AFF3: variants seen among roughly 807,000 people sequenced by gnomAD.
AFF3 encodes the protein ALF transcription elongation factor 3, also known as AF4/FMR2 family member 3.
In AFF3, 32 loss-of-function variants were observed where a neutral mutation model predicts 129.7. That is an observed-to-expected ratio of 0.25 (90% CI 0.19 to 0.33). AFF3 has a LOEUF of 0.33. AFF3 is among the 10% of genes least tolerant of loss of function. The probability of loss-of-function intolerance (pLI) is 1.00; values close to 1 mark genes in which losing one functional copy is unlikely to be tolerated. For synonymous variants in AFF3, 644 were observed against 635.4 expected, an observed-to-expected ratio of 1.01 and a Z score of -0.20; for missense variants, 1,373 against 1,592.0, an observed-to-expected ratio of 0.86 and a Z score of 2.34.
At chr2:99,562,067 G>A (rs972995617) in intron 20 of AFF3, among the ~76,000 whole-genome samples, 1 of 152,116 alleles carries the variant, frequency 6.6e-6, no homozygotes, top group Non-Finnish European at 1.5e-5. Context: ...GATAATTATC[G>A]TTTCTCCCTG....
At chr2:99,684,550 T>C (rs1674856124) in intron 11 of AFF3, among the ~76,000 whole-genome samples, 1 of 151,976 alleles carries the variant, frequency 6.6e-6, no homozygotes, top group Non-Finnish European at 1.5e-5. Flanking sequence ...AAAAGCATCC[T>C]ATGAGCTATT....
intron 7 of AFF3, among the ~76,000 whole-genome samples, chr2:99,886,909 T>C (rs935994658): frequency 2.7e-5 from 4 of 149,194 alleles, no homozygotes; most frequent in African/African-American, 9.7e-5. Context: ...TTAAAATGCA[T>C]TGACTTCAAC....
At chr2:99,678,443 T>C (rs1463282589) in intron 11 of AFF3, among the ~76,000 whole-genome samples, 4 of 152,214 alleles carry the variant, frequency 2.6e-5, no homozygotes, top group Non-Finnish European at 4.4e-5. Flanking sequence ...AACGGGCACG[T>C]TAACTACCTG....
chr2:99,606,308 G>A (rs1680327199), intron 13 of AFF3, among the ~76,000 whole-genome samples: 1 of 152,082 alleles, frequency 6.6e-6, no homozygotes, highest in African/African-American at 2.4e-5. Context: ...ATGATAACAC[G>A]GATTGGTTGA....
intron 19 of AFF3, among the ~76,000 whole-genome samples, chr2:99,566,131 T>A (rs1307680375): frequency 6.6e-6 from 1 of 152,110 alleles, no homozygotes; most frequent in African/African-American, 2.4e-5. Flanking sequence ...TTAATTTTTT[T>A]ATTTTTGAGA....
At chr2:99,895,843 T>C (rs1052567378) in intron 7 of AFF3, among the ~76,000 whole-genome samples, 3 of 152,004 alleles carry the variant, frequency 2.0e-5, no homozygotes, top group Admixed American at 2.0e-4. Context: ...CTGAGGTGGG[T>C]GGATCACCTG....
rs369533691 is a variant in AFF3 at position 99,565,475 on chromosome 2, C to T, written c.3119+12G>A. 16 of 1,609,556 alleles carry T rather than the reference C, an allele frequency of 9.9e-6. No individual in the cohort carries two copies. The African/African-American group carries it at 1.9e-4, about 19-fold the overall frequency. Reference sequence around the variant, plus strand: ...CTCCTCCCCTCATCCAGCAAGAAAACACGGTGCTTACCTGATGAGCTCTAC... The same window carrying T: ...CTCCTCCCCTCATCCAGCAAGAAAATACGGTGCTTACCTGATGAGCTCTAC... On this transcript the variant is annotated intron_variant, in intron 20 of 24. Coordinates refer to ENST00000672756, the MANE Select transcript of AFF3 (RefSeq NM_001386135.1).
At chr2:99,737,872 T>C (rs934932819) in intron 10 of AFF3, among the ~76,000 whole-genome samples, 2 of 152,036 alleles carry the variant, frequency 1.3e-5, no homozygotes, top group Non-Finnish European at 2.9e-5. Flanking sequence ...CTAGATAATT[T>C]CTTAAATTCA....
At chr2:99,628,008 C>A (rs181130695) in intron 13 of AFF3, among the ~76,000 whole-genome samples, 49 of 152,166 alleles carry the variant, frequency 3.2e-4, no homozygotes, top group Admixed American at 9.8e-4. Flanking sequence ...ATGCCTCCAG[C>A]TTTTTGTTCT....
chr2:99,869,370 C>A (rs976647232), intron 7 of AFF3, among the ~76,000 whole-genome samples: 4 of 149,896 alleles, frequency 2.7e-5, no homozygotes, highest in African/African-American at 9.8e-5. Flanking sequence ...AAGGCATTCA[C>A]TCAATAAACA....
intron 4 of AFF3, among the ~76,000 whole-genome samples, chr2:100,025,044 T>C (rs1369929887): frequency 6.6e-6 from 1 of 152,162 alleles, no homozygotes; most frequent in Non-Finnish European, 1.5e-5. Context: ...TCTTTCCCTT[T>C]AAACTATCTA....
intron 7 of AFF3, among the ~76,000 whole-genome samples, chr2:99,972,622 G>C (rs984398487): frequency 1.3e-5 from 2 of 152,182 alleles, no homozygotes; most frequent in African/African-American, 4.8e-5. Context: ...CAAGGATATA[G>C]CAATAAACAA....
At chr2:99,643,055 A>ATTTT (rs34572652) in intron 13 of AFF3, among the ~76,000 whole-genome samples, 195 of 100,848 alleles carry the variant, frequency 1.9e-3, no homozygotes, top group African/African-American at 2.5e-3. Flanking sequence ...TACTTAAAAG[A>ATTTT]TTTTTTTTTT....
intron 11 of AFF3, among the ~76,000 whole-genome samples, chr2:99,695,509 A>C (rs962374232): frequency 1.3e-5 from 2 of 152,152 alleles, no homozygotes; most frequent in African/African-American, 4.8e-5. Context: ...ATGTGCCCTT[A>C]AACTGCAGGG....
chr2:99,783,597 T>C (rs1307465891), intron 8 of AFF3, among the ~76,000 whole-genome samples: 1 of 152,222 alleles, frequency 6.6e-6, no homozygotes, highest in African/African-American at 2.4e-5. Flanking sequence ...ACGAAATACG[T>C]GTTCTTTTAT....
intron 13 of AFF3, among the ~76,000 whole-genome samples, chr2:99,618,120 C>T (rs918604634): frequency 6.6e-6 from 1 of 151,950 alleles, no homozygotes; most frequent in Non-Finnish European, 1.5e-5. Context: ...AAGTTATTTA[C>T]CCTCTCTGAG....
chr2:99,969,478 CA>C (rs907531666), intron 7 of AFF3, among the ~76,000 whole-genome samples: 21 of 150,518 alleles, frequency 1.4e-4, no homozygotes, highest in African/African-American at 5.2e-4. Flanking sequence ...ATTTTATTTT[CA>C]TTTATTTATT....
At chr2:99,801,242 A>C (rs1387786189) in intron 8 of AFF3, among the ~76,000 whole-genome samples, 1 of 152,184 alleles carries the variant, frequency 6.6e-6, no homozygotes, top group Non-Finnish European at 1.5e-5. Context: ...GCTCCCAGCA[A>C]GGTTTCTTTC....
rs1575847026 is a variant in AFF3, at chr2:99,744,395, A to G, written c.1003-255T>C. Among the ~76,000 whole-genome samples, 4 of 152,338 alleles carry G rather than the reference A, an allele frequency of 2.6e-5. No homozygotes were observed. In the South Asian group the frequency reaches 8.3e-4, roughly 32 times the overall value. ...TTTATTGAGGTGAAGTTCACATAACATTAAAATTAACCATTTTAAAGTGAA... is the reference window on the plus strand; with the variant it reads ...TTTATTGAGGTGAAGTTCACATAACGTTAAAATTAACCATTTTAAAGTGAA... On this transcript the variant is annotated intron_variant, in intron 9 of 24. Transcript: ENST00000672756.
Sources: allele counts gnomAD v4.1 joint callset (sites outside exome capture counted in the v4.1 genomes callset), GRCh38; gene constraint gnomAD v4.1.1; transcripts MANE v1.5; gene names NCBI Gene and HGNC (gene_info 2026-07-23, HGNC 2026-07-21).